Variants in ATP9B observed in about 807,000 individuals in gnomAD.
ATP9B encodes the protein probable phospholipid-transporting ATPase IIB.
In ATP9B, 110 loss-of-function variants were observed where a neutral mutation model predicts 146.1. The ratio of observed to expected loss-of-function variants is 0.75; its 90% CI spans 0.65 to 0.88. The LOEUF (loss-of-function observed/expected upper bound fraction) is 0.88, where lower values mean the gene tolerates loss of function less well. ATP9B is among the 40% of genes least tolerant of loss of function. ATP9B has a pLI of 0.00. For synonymous variants in ATP9B, 604 were observed against 569.7 expected (o/e 1.06, Z -0.86); for missense variants, 1,499 against 1,496.4 (o/e 1.00, Z -0.03).
chr18:79,207,754 C>G (rs1420853609), intron 10 of ATP9B, among the ~76,000 whole-genome samples: 1 of 151,904 alleles, frequency 6.6e-6, no homozygotes, highest in African/African-American at 2.4e-5. Context: ...CTGGATGCCA[C>G]TCACTCCCCC....
chr18:79,139,096 G>A (rs188958052), intron 5 of ATP9B, among the ~76,000 whole-genome samples: 1 of 152,184 alleles, frequency 6.6e-6, no homozygotes, highest in African/African-American at 2.4e-5. Context: ...CTCATACCTT[G>A]TGTGTGTGTG....
rs574870856 is a variant in ATP9B, at chr18:79,118,753, T to C, written c.558+5399T>C. Among the ~76,000 whole-genome samples, 26 of 152,098 alleles carry C rather than the reference T, an allele frequency of 1.7e-4. 1 individual carries two copies. In the South Asian group the frequency reaches 5.4e-3, roughly 32 times the overall value. ...TTTCTAGCCCCTTTTTTTCTATTCA[T>C]AGCTTTCACAGTTGTATTTACTGCT... On this transcript the variant is annotated intron_variant, in intron 4 of 29. Transcript: ENST00000426216.
rs1312489550 is a variant in ATP9B at position 79,377,919 on chromosome 18, T to C, written c.*536T>C. ...CTCACCCCTGCTTTTCTTTCTTTTT[T>C]TGTATTGTCAAAATTGTATTTCCAT... is the stretch of plus-strand genomic sequence containing the variant. On this transcript the variant is annotated 3_prime_UTR_variant, in exon 30 of 30. Coordinates refer to ENST00000426216, the MANE Select transcript of ATP9B (RefSeq NM_198531.5). 1 of 153,708 alleles carries C rather than the reference T, an allele frequency of 6.5e-6. No individual in the cohort carries two copies. Among genetic ancestry groups the C allele is most frequent in the African/African-American group, 2.4e-5 (1 of 41,482 alleles). The allele number at this position is 153,708 out of a possible 1,614,324, so 9.5% of individuals were successfully genotyped here. A position where few individuals can be genotyped will look rare whatever the true frequency, so the allele number is the denominator to read the frequency against.
intron 12 of ATP9B, among the ~76,000 whole-genome samples, chr18:79,263,472 A>G (rs1412995919): frequency 6.6e-6 from 1 of 152,238 alleles, no homozygotes; most frequent in Non-Finnish European, 1.5e-5. Flanking sequence ...GGACTTGCAC[A>G]GTTCAAACCT....
At chr18:79,108,990 G>A (rs1213796135) in intron 2 of ATP9B, among the ~76,000 whole-genome samples, 1 of 152,182 alleles carries the variant, frequency 6.6e-6, no homozygotes, top group Admixed American at 6.5e-5. Flanking sequence ...TAAGGGTGTG[G>A]CACTCCAGCA....
intron 25 of ATP9B, among the ~76,000 whole-genome samples, chr18:79,356,838 TCTGGGTCTGGAGGTGTCC>T (rs2096957624): frequency 1.7e-5 from 1 of 57,760 alleles, no homozygotes; most frequent in Non-Finnish European, 4.1e-5. Flanking sequence ...TGAGGGATGC[TCTGGGTCTGGAGGTGTCC>T]GTGTGAGGGA....
At chr18:79,072,388 C>G (rs2071964131) in intron 1 of ATP9B, among the ~76,000 whole-genome samples, 1 of 152,156 alleles carries the variant, frequency 6.6e-6, no homozygotes, top group South Asian at 2.1e-4. Flanking sequence ...ATCTGTTTAA[C>G]AAAGCACATC....
chr18:79,217,430 C>T (rs916207697), intron 11 of ATP9B, among the ~76,000 whole-genome samples: 13 of 152,192 alleles, frequency 8.5e-5, no homozygotes, highest in Non-Finnish European at 1.3e-4. Flanking sequence ...GTGATCCGCC[C>T]GCCTCTGCCT....
chr18:79,157,396 C>CAAAAAAAAAAAAAAAAAAAAAAAA, intron 7 of ATP9B, among the ~76,000 whole-genome samples: 1 of 48,596 alleles, frequency 2.1e-5, no homozygotes, highest in Non-Finnish European at 3.2e-5. Context: ...AACTCCATCT[C>CAAAAAAAAAAAAAAAAAAAAAAAA]AAAAAAAAAA....
chr18:79,342,810 AT>A (rs1287466563), intron 20 of ATP9B, among the ~76,000 whole-genome samples: 4 of 152,170 alleles, frequency 2.6e-5, no homozygotes, highest in African/African-American at 9.7e-5. Context: ...AAAAAATTAC[AT>A]TTTTCTACAA....
At chr18:79,321,084 C>A (rs1878854621) in intron 15 of ATP9B, among the ~76,000 whole-genome samples, 1 of 152,198 alleles carries the variant, frequency 6.6e-6, no homozygotes. Context: ...CTAAAAAGAA[C>A]ACCATGACTA....
intron 4 of ATP9B, chr18:79,118,022 T>C (rs1406861628): frequency 6.6e-6 from 1 of 152,368 alleles, no homozygotes; most frequent in African/African-American, 2.4e-5. Flanking sequence ...TTGATCCATA[T>C]CAACACATAT....
intron 15 of ATP9B, among the ~76,000 whole-genome samples, chr18:79,308,435 C>T (rs192863844): frequency 3.0e-4 from 45 of 152,144 alleles, no homozygotes; most frequent in Non-Finnish European, 4.7e-4. Context: ...GTAGTCTGTT[C>T]GCACACATGG....
At chr18:79,195,655 C>T (rs536440861) in intron 9 of ATP9B, among the ~76,000 whole-genome samples, 1 of 152,190 alleles carries the variant, frequency 6.6e-6, no homozygotes, top group South Asian at 2.1e-4. Flanking sequence ...AATAAAAGCT[C>T]AAGAATAAAA....
intron 13 of ATP9B, among the ~76,000 whole-genome samples, chr18:79,280,547 C>G (rs116505338): frequency 0.015 from 2,328 of 152,258 alleles, 64 homozygotes; most frequent in African/African-American, 0.054. Context: ...TATTTGCTGT[C>G]AACCACAGGA....
At chr18:79,375,820 A>G in intron 29 of ATP9B, 1 of 985,420 alleles carries the variant, frequency 1.0e-6, no homozygotes, top group Admixed American at 6.1e-5. Context: ...TCCCTGTGTC[A>G]TTTATTTTAC....
At chr18:79,210,591 A>G (rs2095575287) in intron 10 of ATP9B, among the ~76,000 whole-genome samples, 1 of 152,144 alleles carries the variant, frequency 6.6e-6, no homozygotes, top group Non-Finnish European at 1.5e-5. Context: ...GGCTCAGTTC[A>G]CGGTCTTCAT....
chr18:79,236,833 C>G (rs1210528326), intron 11 of ATP9B, among the ~76,000 whole-genome samples: 1 of 140,676 alleles, frequency 7.1e-6, no homozygotes, highest in South Asian at 2.5e-4. Flanking sequence ...AGTGTCCACA[C>G]CTGCCCCTTC....
intron 1 of ATP9B, among the ~76,000 whole-genome samples, chr18:79,082,757 T>C (rs951903950): frequency 7.9e-5 from 12 of 152,254 alleles, no homozygotes; most frequent in Admixed American, 6.5e-4. Flanking sequence ...CAAAGATTGC[T>C]GCCTGTTTCT....
Sources: gnomAD v4.1 joint callset for allele counts (sites outside exome capture counted in the v4.1 genomes callset) on GRCh38, gnomAD v4.1.1 for gene constraint, MANE v1.5 for transcripts, NCBI Gene and HGNC (gene_info 2026-07-23, HGNC 2026-07-21) for gene names.